Variants in SYTL3 observed in about 807,000 individuals in gnomAD.
SYTL3 encodes synaptotagmin like 3.
SYTL3 carries 88 observed loss-of-function variants against 82.1 expected under a neutral mutation model. The ratio of observed to expected loss-of-function variants is 1.07; its 90% CI spans 0.90 to 1.28. The LOEUF (loss-of-function observed/expected upper bound fraction) is 1.28. SYTL3 is among the 50% of genes most tolerant of loss of function. SYTL3 has a pLI of 0.00. For missense variants in SYTL3, 831 were observed against 757.6 expected, an observed-to-expected ratio of 1.10 and a Z score of -1.14; for synonymous variants, 311 against 289.4, an observed-to-expected ratio of 1.07 and a Z score of -0.76.
At chr6:158,704,062 A>G (rs1421895053) in intron 6 of SYTL3, among the ~76,000 whole-genome samples, 1 of 151,840 alleles carries the variant, frequency 6.6e-6, no homozygotes, top group Non-Finnish European at 1.5e-5. Context: ...TCTGGCCTCA[A>G]GTGATCCGCC....
At position 158,760,649 on chromosome 6, in the gene SYTL3, T is replaced by G. The variant is rs1562473957; in HGVS notation, c.1318T>G (p.Tyr440Asp). Residue 440 changes from tyrosine to aspartate, a missense_variant, in exon 15 of 18, where the codon TAC becomes GAC. Tyr to Asp is a radical substitution (Grantham distance 160). Coordinates refer to ENST00000611299, the MANE Select transcript of SYTL3 (RefSeq NM_001242394.2). Reference protein sequence around the residue: ...WHPLRAKAEKYEDSVPQSNGE... With the variant: ...WHPLRAKAEKDEDSVPQSNGE... ...TGCCTCTTGTCCCCAGGCGGAGAAA[T>G]ACGAAGACAGCGTTCCTCAGAGTAA... 1 of 1,613,786 alleles carries G rather than the reference T, an allele frequency of 6.2e-7. No homozygotes were observed. The highest frequency in any genetic ancestry group is 8.5e-7 in the Non-Finnish European group (1 of 1,179,844).
chr6:158,684,980 C>G (rs1779132010), intron 6 of SYTL3, among the ~76,000 whole-genome samples: 1 of 152,108 alleles, frequency 6.6e-6, no homozygotes, highest in Non-Finnish European at 1.5e-5. Context: ...CCCACATAGC[C>G]TTTTTAGAGA....
intron 11 of SYTL3, among the ~76,000 whole-genome samples, chr6:158,739,529 CAT>C (rs766296537): frequency 2.0e-5 from 3 of 152,064 alleles, no homozygotes; most frequent in Non-Finnish European, 4.4e-5. Context: ...AGAGTCCAAA[CAT>C]ATACTTTTTC....
At chr6:158,651,512 C>T (rs866285444) in intron 1 of SYTL3, among the ~76,000 whole-genome samples, 4 of 151,964 alleles carry the variant, frequency 2.6e-5, no homozygotes, top group Non-Finnish European at 5.9e-5. Flanking sequence ...TGCTTGAACC[C>T]GGGAGGTGGA....
At chr6:158,741,055 T>G (rs1298218691) in intron 11 of SYTL3, among the ~76,000 whole-genome samples, 2 of 152,118 alleles carry the variant, frequency 1.3e-5, no homozygotes, top group African/African-American at 4.8e-5. Flanking sequence ...GTAGCCTGAT[T>G]TGTTCAACTT....
chr6:158,692,436 G>T (rs976290685), intron 6 of SYTL3, among the ~76,000 whole-genome samples: 8 of 152,022 alleles, frequency 5.3e-5, no homozygotes, highest in African/African-American at 1.9e-4. Flanking sequence ...AACTAACCAG[G>T]TTAATTATTG....
intron 4 of SYTL3, among the ~76,000 whole-genome samples, chr6:158,664,512 C>T (rs1332320893): frequency 2.0e-5 from 3 of 152,156 alleles, no homozygotes; most frequent in African/African-American, 7.2e-5. Context: ...CACTGCACTC[C>T]AGCCTGGGCA....
chr6:158,676,917 A>G (rs995640809), intron 5 of SYTL3, among the ~76,000 whole-genome samples: 115 of 152,236 alleles, frequency 7.6e-4, no homozygotes, highest in African/African-American at 2.7e-3. Context: ...CAGGTGCTGG[A>G]GAGGATGTGG....
At chr6:158,723,491 C>T (rs1182984216) in intron 10 of SYTL3, among the ~76,000 whole-genome samples, 1 of 152,084 alleles carries the variant, frequency 6.6e-6, no homozygotes, top group African/African-American at 2.4e-5. Flanking sequence ...GCACTCTTGC[C>T]AACATTCAAC....
intron 7 of SYTL3, 88 bp downstream of exon 7, chr6:158,707,369 T>C: frequency 9.0e-7 from 1 of 1,110,002 alleles, no homozygotes; most frequent in South Asian, 1.4e-5. Context: ...TCTCTTGACT[T>C]TCACATGTCA....
intron 4 of SYTL3, among the ~76,000 whole-genome samples, chr6:158,664,239 T>A (rs530236479): frequency 6.6e-6 from 1 of 152,198 alleles, no homozygotes; most frequent in South Asian, 2.1e-4. Flanking sequence ...TTGTAAACTT[T>A]CTTCCATTAA....
At position 158,745,630 on chromosome 6, in the gene SYTL3, G is replaced by GGAGAA. The variant is rs774183856; in HGVS notation, c.1009_1013dup (p.Lys341ArgfsTer9). The GGAGAA allele has an allele frequency of 8.1e-6, 13 of 1,602,780 alleles. No homozygotes were observed. The East Asian group carries it at 2.7e-4, about 33-fold the overall frequency. ...CAAGGCCTGTAAGAACCTTGCCTAT[G>GGAGAA]GAGAAGAAAAGAAGAAAAAGTGCAA... On this transcript the variant is annotated frameshift_variant, in exon 12 of 18. Coordinates refer to ENST00000611299, the MANE Select transcript of SYTL3 (RefSeq NM_001242394.2). LOFTEE classifies it high-confidence loss of function.
At chr6:158,671,247 G>A (rs932378325) in intron 5 of SYTL3, among the ~76,000 whole-genome samples, 3 of 152,218 alleles carry the variant, frequency 2.0e-5, no homozygotes. Context: ...ACTGTATTCT[G>A]TAGTCAGCAC....
intron 6 of SYTL3, among the ~76,000 whole-genome samples, chr6:158,686,570 A>G (rs1454707490): frequency 6.6e-6 from 1 of 152,230 alleles, no homozygotes; most frequent in Non-Finnish European, 1.5e-5. Flanking sequence ...ACAGAGGTTT[A>G]GGTGGACAGG....
chr6:158,727,149 T>C (rs1784831913), intron 11 of SYTL3, among the ~76,000 whole-genome samples: 1 of 150,720 alleles, frequency 6.6e-6, no homozygotes, highest in Non-Finnish European at 1.5e-5. Flanking sequence ...CATGCCCAGC[T>C]GAACTTTCTT....
chr6:158,648,013 G>A (rs1355301111), upstream of SYTL3, among the ~76,000 whole-genome samples: 1 of 152,214 alleles, frequency 6.6e-6, no homozygotes, highest in Non-Finnish European at 1.5e-5. Context: ...TCCAGCAGTG[G>A]CTGGGCGCAG....
intron 8 of SYTL3, 144 bp downstream of exon 8, chr6:158,708,535 G>A (rs1193511237): frequency 1.3e-6 from 1 of 766,618 alleles, no homozygotes; most frequent in East Asian, 2.7e-5. Context: ...ACAAAGCGGG[G>A]TGGGGAGCGA....
chr6:158,726,850 CTTT>C (rs1200378161), intron 11 of SYTL3: 15 of 135,778 alleles, frequency 1.1e-4, no homozygotes, highest in South Asian at 2.3e-4. Context: ...GTTGAACTTT[CTTT>C]TTTTTTTTTT....
At chr6:158,757,094 G>A in intron 13 of SYTL3, 117 bp from the exon 14 acceptor site, 1 of 1,031,464 alleles carries the variant, frequency 9.7e-7, no homozygotes, top group Non-Finnish European at 1.4e-6. Flanking sequence ...GCCTGTGGGA[G>A]GGAGGCCTGC....
Sources: gnomAD v4.1 joint callset for allele counts (sites outside exome capture counted in the v4.1 genomes callset) on GRCh38, gnomAD v4.1.1 for gene constraint, MANE v1.5 for transcripts, NCBI Gene and HGNC (gene_info 2026-07-23, HGNC 2026-07-21) for gene names.